The following KDM7A variants were observed in gnomAD, a reference collection of about 807,000 sequenced individuals.
KDM7A encodes the protein lysine demethylase 7A, also known as lysine-specific demethylase 7A.
Under a neutral mutation model 114.8 loss-of-function variants are expected in KDM7A, and 28 were observed. The ratio of observed to expected loss-of-function variants is 0.24; its 90% confidence interval spans 0.18 to 0.33. KDM7A has a LOEUF of 0.33. KDM7A is among the 10% of genes least tolerant of loss of function. The pLI is 1.00. For synonymous variants in KDM7A, 423 were observed against 397.8 expected, an observed-to-expected ratio of 1.06 and a Z score of -0.75; for missense variants, 942 against 1,142.5, an observed-to-expected ratio of 0.82 and a Z score of 2.53.
At chr7:140,099,855 C>T (rs764543743) in intron 13 of KDM7A, 44 bp downstream of exon 13, 2 of 1,569,784 alleles carry the variant, frequency 1.3e-6, no homozygotes, top group Admixed American at 3.3e-5. Flanking sequence ...AAAGGGAACC[C>T]AATGAAAATT....
intron 1 of KDM7A, among the ~76,000 whole-genome samples, chr7:140,169,913 T>C (rs116838137): frequency 0.019 from 2,921 of 152,240 alleles, 81 homozygotes; most frequent in African/African-American, 0.067. Context: ...ACATATTTTG[T>C]TCAAACAGCA....
chr7:140,129,857 ACAATT>A (rs1311919498), intron 3 of KDM7A, among the ~76,000 whole-genome samples: 4 of 152,200 alleles, frequency 2.6e-5, no homozygotes, highest in Non-Finnish European at 4.4e-5. Context: ...TGTAATATAC[ACAATT>A]CAATACATAT....
intron 3 of KDM7A, among the ~76,000 whole-genome samples, chr7:140,131,437 TC>T (rs767746865): frequency 4.6e-5 from 7 of 152,216 alleles, no homozygotes; most frequent in Non-Finnish European, 5.9e-5. Flanking sequence ...CTATCTGATG[TC>T]ATCTGCTGCC....
At chr7:140,111,788 G>A (rs149865714) in intron 10 of KDM7A, among the ~76,000 whole-genome samples, 3,209 of 151,808 alleles carry the variant, frequency 0.021, 119 homozygotes, top group African/African-American at 0.073. Context: ...GCAAAACCCC[G>A]TCTCTACTAA....
At chr7:140,096,445 T>A in intron 17 of KDM7A, 110 bp downstream of exon 17, 1 of 847,312 alleles carries the variant, frequency 1.2e-6, no homozygotes, top group East Asian at 2.6e-5. Context: ...CTTAACACAT[T>A]TCCAATTAAA....
chr7:140,105,176 AG>A (rs1223003778), intron 11 of KDM7A, among the ~76,000 whole-genome samples: 1 of 152,188 alleles, frequency 6.6e-6, no homozygotes, highest in African/African-American at 2.4e-5. Context: ...TGTCAGCTTA[AG>A]GAGATTTTGG....
intron 11 of KDM7A, among the ~76,000 whole-genome samples, chr7:140,104,321 T>C (rs1195100177): frequency 6.6e-6 from 1 of 152,198 alleles, no homozygotes; most frequent in Non-Finnish European, 1.5e-5. Context: ...TTAGATCCCA[T>C]TTGTCAATTT....
chr7:140,175,430 C>T (rs536864738), intron 1 of KDM7A, among the ~76,000 whole-genome samples: 135 of 152,288 alleles, frequency 8.9e-4, no homozygotes, highest in Middle Eastern at 6.8e-3. Context: ...TTCCTACAAT[C>T]ACAGTCACCA....
chr7:140,174,568 C>T (rs1794680436), intron 1 of KDM7A, among the ~76,000 whole-genome samples: 2 of 152,156 alleles, frequency 1.3e-5, no homozygotes, highest in African/African-American at 4.8e-5. Flanking sequence ...AATTTGGTAG[C>T]CTATCAAATC....
intron 19 of KDM7A, among the ~76,000 whole-genome samples, 185 bp from the exon 20 acceptor site, chr7:140,091,373 G>C (rs532960088): frequency 6.6e-6 from 1 of 152,240 alleles, no homozygotes; most frequent in East Asian, 1.9e-4. Context: ...GCCCTCACAA[G>C]ACTCACAAGG....
intron 7 of KDM7A, 22 bp downstream of exon 7, chr7:140,124,599 G>A (rs1323998620): frequency 1.3e-6 from 2 of 1,584,132 alleles, no homozygotes; most frequent in Non-Finnish European, 8.6e-7. Context: ...ATGTTGAGTA[G>A]GGGATGGGAT....
intron 1 of KDM7A, among the ~76,000 whole-genome samples, chr7:140,159,945 TAA>T (rs71520071): frequency 2.6e-3 from 322 of 123,944 alleles, no homozygotes; most frequent in African/African-American, 8.1e-3. Flanking sequence ...TGACTTCCAT[TAA>T]AAAAAAAAAA....
chr7:140,108,554 C>T (rs1585143367), intron 11 of KDM7A, among the ~76,000 whole-genome samples: 1 of 152,274 alleles, frequency 6.6e-6, no homozygotes. Flanking sequence ...CACTCCAGAC[C>T]GTTTGCCTGG....
At chr7:140,147,149 A>G (rs942895385) in intron 1 of KDM7A, among the ~76,000 whole-genome samples, 42 of 146,694 alleles carry the variant, frequency 2.9e-4, no homozygotes, top group African/African-American at 9.7e-4. Flanking sequence ...AAAGGGTAGG[A>G]AAAAAAAAAA....
intron 2 of KDM7A, among the ~76,000 whole-genome samples, chr7:140,137,027 C>T (rs1045734536): frequency 1.3e-5 from 2 of 151,444 alleles, no homozygotes; most frequent in Non-Finnish European, 2.9e-5. Flanking sequence ...AAGAGAGAAG[C>T]TTAATAGCAG....
Position 140,091,257 on chromosome 7 carries a change from C to T in KDM7A, c.2732-69G>A, listed in dbSNP as rs1381206539. 44 of 1,040,804 alleles carry T rather than the reference C, an allele frequency of 4.2e-5. No homozygotes were observed. The East Asian group carries it at 6.9e-4, about 16-fold the overall frequency. 64.5% of individuals were successfully genotyped at this position (1,040,804 alleles called of 1,614,324 possible). ...ACTTAAGAGAGCACCTGGAAGACTA[C>T]GGGGAGAGCTTTCTTTATGGGAAGT... On this transcript the variant is annotated intron_variant, in intron 19 of 19. Coordinates refer to ENST00000397560, the MANE Select transcript of KDM7A (RefSeq NM_030647.2).
In KDM7A at chr7:140,090,067, A is replaced by T. The variant is rs1395432797; in HGVS notation, c.*1027T>A. On this transcript the variant is annotated 3_prime_UTR_variant, in exon 20 of 20. Transcript: ENST00000397560. Reference sequence around the variant, plus strand: ...GGTGCCAGTCCTGTTGTCCAACAGCAGCAGTACGAAGAAGGCCTGCTGTAG... The same window carrying T: ...GGTGCCAGTCCTGTTGTCCAACAGCTGCAGTACGAAGAAGGCCTGCTGTAG... 1 of 152,236 alleles carries T rather than the reference A, an allele frequency of 6.6e-6. No individual in the cohort carries two copies. Among genetic ancestry groups the T allele is most frequent in the Non-Finnish European group, 1.5e-5 (1 of 68,038 alleles). The allele number at this position is 152,236 out of a possible 1,614,324, so 9.4% of individuals were successfully genotyped here.
At chr7:140,171,437 C>G (rs1443808508) in intron 1 of KDM7A, among the ~76,000 whole-genome samples, 2 of 149,924 alleles carry the variant, frequency 1.3e-5, no homozygotes, top group Non-Finnish European at 3.0e-5. Flanking sequence ...CCACTGCACT[C>G]TAGCCTGGAG....
At chr7:140,117,487 T>TGC (rs397775605) in intron 9 of KDM7A, among the ~76,000 whole-genome samples, 1 of 151,172 alleles carries the variant, frequency 6.6e-6, no homozygotes, top group Non-Finnish European at 1.5e-5. Flanking sequence ...TGTGTGTGTG[T>TGC]TCGTGGATAG....
Sources: allele counts gnomAD v4.1 joint callset (sites outside exome capture counted in the v4.1 genomes callset), GRCh38; gene constraint gnomAD v4.1.1; transcripts MANE v1.5; gene names NCBI Gene and HGNC (gene_info 2026-07-23, HGNC 2026-07-21).